The following SPG21 variants were observed in gnomAD, a reference collection of about 807,000 sequenced individuals.
SPG21 encodes the protein maspardin.
Under a neutral mutation model 38.9 loss-of-function variants are expected in SPG21, and 26 were observed. That is an observed-to-expected ratio of 0.67 (90% CI 0.49 to 0.93). The LOEUF (loss-of-function observed/expected upper bound fraction) is 0.93. SPG21 is among the 40% of genes least tolerant of loss of function. The pLI, the probability that SPG21 is intolerant of heterozygous loss-of-function variation, is 0.00. For synonymous variants in SPG21, 136 were observed against 128.9 expected (o/e 1.05, Z -0.37); for missense variants, 333 against 376.5 (o/e 0.88, Z 0.96).
chr15:64,967,628 C>T (rs558254618), intron 7 of SPG21, among the ~76,000 whole-genome samples: 2 of 152,282 alleles, frequency 1.3e-5, no homozygotes, highest in African/African-American at 2.4e-5. Flanking sequence ...TGTGTGCCAC[C>T]ATGCCCGGCT....
intron 7 of SPG21, among the ~76,000 whole-genome samples, chr15:64,966,912 CAAAAACA>C (rs2085550831): frequency 6.6e-6 from 1 of 151,252 alleles, no homozygotes; most frequent in Non-Finnish European, 1.5e-5. Flanking sequence ...AAAACAAAAA[CAAAAACA>C]AAAACAAAAA....
chr15:64,980,972 G>A lies in SPG21; in HGVS notation c.117C>T (p.Pro39=), dbSNP rs1290460621. 1.2e-6 allele frequency: 2 copies of A among 1,614,074 alleles called. No homozygotes were observed. The highest frequency in any genetic ancestry group is 3.3e-5 in the Admixed American group (2 of 60,006). ...SKIWSLYDAG[P]RSIRCPLIFL... is the part of the protein sequence containing the mutation. ...ATATGAGAGGACACCTGATACTTCG[G>A]GGGCCCGCGTCATAGAGCGACCATA... Residue 39 remains proline (P), a synonymous_variant, in exon 3 of 9, where the codon CCC becomes CCT. Transcript: ENST00000204566.
At chr15:64,973,819 T>C (rs892675030) in intron 5 of SPG21, among the ~76,000 whole-genome samples, 4 of 152,356 alleles carry the variant, frequency 2.6e-5, no homozygotes, top group African/African-American at 4.8e-5. Flanking sequence ...GAACATCTGT[T>C]GACAGACCAA....
intron 4 of SPG21, among the ~76,000 whole-genome samples, chr15:64,975,957 A>G (rs538347960): frequency 3.3e-5 from 5 of 152,314 alleles, no homozygotes; most frequent in African/African-American, 9.6e-5. Context: ...GTAGGGGGGA[A>G]GATGAGGACC....
At position 64,963,316 on chromosome 15, in the gene SPG21, T is replaced by A. The variant is rs1595864644; in HGVS notation, c.*304A>T. ...CCACAAAGTCCCAAACCTCAGAAAT[T>A]AACATTCACTTAAGAACACAGTGGT... On this transcript the variant is annotated 3_prime_UTR_variant, in exon 9 of 9. Coordinates refer to ENST00000204566, the MANE Select transcript of SPG21 (RefSeq NM_016630.7). 7.3e-6 allele frequency: 2 copies of A among 274,870 alleles called. No individual in the cohort carries two copies. Among genetic ancestry groups the A allele is most frequent in the South Asian group, 1.7e-4 (2 of 11,662 alleles). 17.0% of individuals were successfully genotyped at this position (274,870 alleles called of 1,614,324 possible).
chr15:64,965,530 T>G (rs1049572969), intron 7 of SPG21, 70 bp from the exon 8 acceptor site: 2 of 1,598,588 alleles, frequency 1.3e-6, no homozygotes, highest in Admixed American at 1.7e-5. Flanking sequence ...AAAGCTGTAA[T>G]CAACTAGTGT....
At chr15:64,968,201 G>A (rs1038955713) in intron 7 of SPG21, among the ~76,000 whole-genome samples, 2 of 151,928 alleles carry the variant, frequency 1.3e-5, no homozygotes, top group Non-Finnish European at 2.9e-5. Context: ...TTAGCCGAAC[G>A]TAGTGGTGTG....
Position 64,963,533 on chromosome 15 carries a change from G to A in SPG21, c.*87C>T. 8.7e-7 allele frequency: 1 copy of A among 1,145,822 alleles called. No individual in the cohort carries two copies. The highest frequency in any genetic ancestry group is 1.2e-5 in the South Asian group (1 of 80,812). The allele number at this position is 1,145,822 out of a possible 1,614,324, so 71.0% of individuals were successfully genotyped here. On this transcript the variant is annotated 3_prime_UTR_variant, in exon 9 of 9. Transcript: ENST00000204566. Reference sequence around the variant, plus strand: ...GAGAACCGGTGAGCCTGACGAACCTGAAGGAAAAGGCTGGCTGACGGGTGC... The same window carrying A: ...GAGAACCGGTGAGCCTGACGAACCTAAAGGAAAAGGCTGGCTGACGGGTGC...
intron 7 of SPG21, among the ~76,000 whole-genome samples, chr15:64,966,939 T>C (rs1286004164): frequency 1.3e-5 from 2 of 152,100 alleles, no homozygotes; most frequent in East Asian, 1.9e-4. Context: ...AACCATATTA[T>C]TTGAATTTAG....
At chr15:64,964,656 A>G (rs1325356327) in intron 8 of SPG21, among the ~76,000 whole-genome samples, 1 of 151,470 alleles carries the variant, frequency 6.6e-6, no homozygotes, top group Non-Finnish European at 1.5e-5. Flanking sequence ...TTTGAGACGG[A>G]GTCTTGTTCT....
intron 1 of SPG21, chr15:64,989,256 A>C (rs2086065811): frequency 6.6e-6 from 1 of 152,154 alleles, no homozygotes; most frequent in African/African-American, 2.4e-5. Context: ...GCCTCTGCTC[A>C]CAGTTCTTAA....
At chr15:64,982,761 A>C (rs2085907733) in intron 2 of SPG21, among the ~76,000 whole-genome samples, 1 of 152,224 alleles carries the variant, frequency 6.6e-6, no homozygotes, top group South Asian at 2.1e-4. Flanking sequence ...CATCCCAGGA[A>C]AATAAAGCTT....
intron 3 of SPG21, among the ~76,000 whole-genome samples, chr15:64,978,134 A>C (rs563129344): frequency 1.3e-5 from 2 of 150,876 alleles, no homozygotes; most frequent in African/African-American, 4.8e-5. Context: ...CCTGGCCAAG[A>C]ATTCCTTTTT....
At chr15:64,984,528 G>A (rs973269920) in intron 1 of SPG21, among the ~76,000 whole-genome samples, 1 of 151,666 alleles carries the variant, frequency 6.6e-6, no homozygotes, top group Middle Eastern at 3.2e-3. Context: ...GAATTTTTTG[G>A]TTTTGTAGAG....
intron 3 of SPG21, among the ~76,000 whole-genome samples, chr15:64,978,979 A>G (rs773950154): frequency 2.7e-4 from 41 of 152,222 alleles, no homozygotes; most frequent in African/African-American, 9.6e-4. Context: ...TGAATCTACA[A>G]TTACAACAAC....
rs193033808 is a variant in SPG21, at chr15:64,972,819, G to A, written c.452+1783C>T. On this transcript the variant is annotated intron_variant, in intron 5 of 8. Coordinates refer to ENST00000204566, the MANE Select transcript of SPG21 (RefSeq NM_016630.7). ...TGCACTCCAGCCTGGGCGACAGAGC[G>A]AGACTCCATCTCAAAAACAAACAAA... Among the ~76,000 whole-genome samples, 35 of 152,258 alleles carry A rather than the reference G, an allele frequency of 2.3e-4. No homozygotes were observed. In the East Asian group the frequency reaches 5.4e-3, roughly 23 times the overall value.
intron 7 of SPG21, among the ~76,000 whole-genome samples, chr15:64,965,674 A>T (rs1458898888): frequency 1.3e-5 from 2 of 151,972 alleles, no homozygotes; most frequent in East Asian, 3.9e-4. Flanking sequence ...AACCGAAGAC[A>T]TTAGCTACAG....
At chr15:64,980,481 G>A (rs1171877579) in intron 3 of SPG21, among the ~76,000 whole-genome samples, 1 of 152,154 alleles carries the variant, frequency 6.6e-6, no homozygotes, top group Non-Finnish European at 1.5e-5. Context: ...GCTCGTGGCT[G>A]TAATCTCAGC....
At chr15:64,969,694 T>TG (rs1449162468) in intron 6 of SPG21, among the ~76,000 whole-genome samples, 92 of 151,712 alleles carry the variant, frequency 6.1e-4, no homozygotes, top group Admixed American at 2.8e-3. Flanking sequence ...TTTGTTTTTT[T>TG]TTTTTTTTTA....
Sources: allele counts gnomAD v4.1 joint callset (sites outside exome capture counted in the v4.1 genomes callset), GRCh38; gene constraint gnomAD v4.1.1; transcripts MANE v1.5; gene names NCBI Gene and HGNC (gene_info 2026-07-23, HGNC 2026-07-21).